INSC: variants seen among roughly 807,000 people sequenced by gnomAD.
The protein encoded by INSC is protein inscuteable homolog.
INSC carries 67 observed loss-of-function variants against 58.6 expected under a neutral mutation model. The ratio of observed to expected loss-of-function variants is 1.14; its 90% confidence interval spans 0.94 to 1.40. INSC has a LOEUF of 1.40. Among genes scored for constraint, INSC ranks in the 40% most tolerant of loss-of-function variants. The pLI, the probability that INSC is intolerant of heterozygous loss-of-function variation, is 0.00. For synonymous variants in INSC, 262 were observed against 276.1 expected (o/e 0.95, Z 0.51); for missense variants, 714 against 692.0 (o/e 1.03, Z -0.36).
the INSC span, among the ~76,000 whole-genome samples, chr11:15,263,220 A>G: frequency 2.6e-5 from 4 of 152,126 alleles, no homozygotes; most frequent in African/African-American, 9.7e-5. Context: ...AAAATTGAAC[A>G]CAGCGTTAAC....
Position 15,178,322 on chromosome 11 carries a change from A to G in INSC, c.456-2A>G, listed in dbSNP as rs778852948. 6.2e-7 allele frequency: 1 copy of G among 1,613,802 alleles called. No individual in the cohort carries two copies. The highest frequency in any genetic ancestry group is 8.5e-7 in the Non-Finnish European group (1 of 1,179,988). ...GCCCACCCCATGGTTTCTTCTCTTC[A>G]GGTGCCTTCAGGTTGAGAATGAGCA... On this transcript the variant is annotated splice_acceptor_variant, in intron 4 of 12. Coordinates refer to ENST00000379556, the MANE Select transcript of INSC (RefSeq NM_001042536.3). LOFTEE classifies it high-confidence loss of function.
intron 2 of INSC, among the ~76,000 whole-genome samples, chr11:15,152,285 G>T (rs1313278835): frequency 6.6e-6 from 1 of 152,186 alleles, no homozygotes; most frequent in Non-Finnish European, 1.5e-5. Flanking sequence ...CTTGTAGGAA[G>T]ATTTGGAATC....
At chr11:15,115,712 C>T (rs1847675775) in intron 1 of INSC, among the ~76,000 whole-genome samples, 1 of 152,172 alleles carries the variant, frequency 6.6e-6, no homozygotes, top group Admixed American at 6.5e-5. Flanking sequence ...ACTCGCAGTG[C>T]ACCCACGCTT....
At chr11:15,230,181 C>A (rs1287405438) in intron 9 of INSC, among the ~76,000 whole-genome samples, 1 of 147,126 alleles carries the variant, frequency 6.8e-6, no homozygotes, top group Admixed American at 6.8e-5. Context: ...TAGAGCCAGA[C>A]CTTGTCTCAA....
intron 2 of INSC, among the ~76,000 whole-genome samples, chr11:15,166,269 G>A (rs1365657878): frequency 1.3e-5 from 2 of 152,134 alleles, no homozygotes; most frequent in Non-Finnish European, 2.9e-5. Flanking sequence ...TGAGAATTGG[G>A]GCAATGGTTT....
At chr11:15,169,767 C>T (rs1849330252) in intron 2 of INSC, among the ~76,000 whole-genome samples, 1 of 151,706 alleles carries the variant, frequency 6.6e-6, no homozygotes, top group South Asian at 2.1e-4. Flanking sequence ...AGGCTGGTCT[C>T]GAATAGTTAT....
intron 12 of INSC, among the ~76,000 whole-genome samples, chr11:15,244,072 T>C (rs1852467497): frequency 6.6e-6 from 1 of 152,204 alleles, no homozygotes; most frequent in Non-Finnish European, 1.5e-5. Flanking sequence ...TCTATTTCGC[T>C]CTGTCTCCTT....
At chr11:15,230,254 G>A (rs924483634) in intron 9 of INSC, among the ~76,000 whole-genome samples, 2 of 151,238 alleles carry the variant, frequency 1.3e-5, no homozygotes, top group Admixed American at 1.3e-4. Flanking sequence ...GGTTTAATTG[G>A]CTCATGGTTC....
At position 15,240,537 on chromosome 11, in the gene INSC, CTT is replaced by C. The variant is rs535472784; in HGVS notation, c.1470+15_1470+16del. 1.3e-4 allele frequency: 206 copies of C among 1,608,406 alleles called. 1 individual carries two copies. In the African/African-American group the frequency reaches 2.6e-3, roughly 20 times the overall value. On this transcript the variant is annotated intron_variant, in intron 12 of 12. Transcript: ENST00000379556. The stretch of plus-strand genomic sequence containing the variant: ...GTGGCCTGCCTGGTGAGTTCTCAGT[CTT>C]CCCCCAGCTTTTCCCCTGGCCTTCG...
chr11:15,269,468 C>T, the INSC span, among the ~76,000 whole-genome samples: 2 of 151,758 alleles, frequency 1.3e-5, no homozygotes, highest in African/African-American at 4.8e-5. Flanking sequence ...GTTTTCCTTC[C>T]TTGGCAGTGA....
At chr11:15,193,544 T>A (rs537098955) in intron 6 of INSC, among the ~76,000 whole-genome samples, 2 of 152,188 alleles carry the variant, frequency 1.3e-5, no homozygotes, top group African/African-American at 2.4e-5. Flanking sequence ...ACATGCGGTG[T>A]TGGTTTTCTG....
chr11:15,162,461 TA>T (rs1289693102), intron 2 of INSC, among the ~76,000 whole-genome samples: 1 of 152,244 alleles, frequency 6.6e-6, no homozygotes, highest in Non-Finnish European at 1.5e-5. Flanking sequence ...ACCACTTATT[TA>T]AAATGAAAAT....
Position 15,238,972 on chromosome 11 carries a change from G to A in INSC, c.1291G>A (p.Ala431Thr), listed in dbSNP as rs201424727. The A allele has an allele frequency of 9.2e-5, 148 of 1,614,102 alleles. 1 individual carries two copies. The African/African-American group carries it at 1.8e-3, about 20-fold the overall frequency. ...LSEKPRSGTP[A>T]EVAACERVQQ... ...TGAAAAACCAAGGTCTGGGACTCCT[G>A]CTGAAGTGGCAGCCTGTGAGCGAGT... The change falls in exon 11 of 13, where the codon GCT (alanine) becomes ACT (threonine). Residue 431 changes from alanine (A) to threonine (T), a missense_variant. Ala to Thr is a moderately conservative substitution (Grantham distance 58). Transcript: ENST00000379556.
intron 2 of INSC, among the ~76,000 whole-genome samples, chr11:15,152,708 A>G (rs1848692885): frequency 6.6e-6 from 1 of 152,154 alleles, no homozygotes; most frequent in Non-Finnish European, 1.5e-5. Flanking sequence ...CATCTTTAGG[A>G]AGGATGTGTT....
chr11:15,196,690 A>C (rs1422367015), intron 6 of INSC, among the ~76,000 whole-genome samples: 2 of 152,184 alleles, frequency 1.3e-5, no homozygotes, highest in African/African-American at 2.4e-5. Flanking sequence ...AGCTGCAGTA[A>C]AGTAGTAATA....
chr11:15,132,673 C>G (rs1360857855), intron 1 of INSC, among the ~76,000 whole-genome samples: 1 of 152,182 alleles, frequency 6.6e-6, no homozygotes, highest in Non-Finnish European at 1.5e-5. Flanking sequence ...TATCTCAAAC[C>G]TTCCATATGA....
the INSC span, among the ~76,000 whole-genome samples, chr11:15,252,711 G>A: frequency 6.6e-6 from 1 of 152,184 alleles, no homozygotes; most frequent in East Asian, 1.9e-4. Flanking sequence ...ACTGAATCTA[G>A]CCCTCATTCA....
chr11:15,193,988 A>G (rs766480214), intron 6 of INSC, among the ~76,000 whole-genome samples: 1 of 152,202 alleles, frequency 6.6e-6, no homozygotes, highest in Non-Finnish European at 1.5e-5. Flanking sequence ...TCTCACACTC[A>G]ACTTCATGGC....
chr11:15,184,734 G>A (rs1328884766), intron 5 of INSC, among the ~76,000 whole-genome samples: 1 of 152,188 alleles, frequency 6.6e-6, no homozygotes, highest in Non-Finnish European at 1.5e-5. Flanking sequence ...TCTTTACTGA[G>A]AAAAAGTTAA....
Sources: allele counts gnomAD v4.1 joint callset (sites outside exome capture counted in the v4.1 genomes callset), GRCh38; gene constraint gnomAD v4.1.1; transcripts MANE v1.5; gene names NCBI Gene and HGNC (gene_info 2026-07-23, HGNC 2026-07-21).